IQCM: variants seen among roughly 807,000 people sequenced by gnomAD.
The protein encoded by IQCM is IQ domain-containing protein M.
In IQCM, 45 loss-of-function variants were observed where a neutral mutation model predicts 57.6. The observed-to-expected ratio is 0.78, with a 90% CI of 0.62 to 1.00. The LOEUF is 1.00. Among genes scored for constraint, IQCM ranks in the 50% least tolerant of loss-of-function variants. The pLI is 0.00. For missense variants in IQCM, 468 were observed against 511.6 expected (o/e 0.91, Z 0.82); for synonymous variants, 148 against 158.9 (o/e 0.93, Z 0.51).
At chr4:149,423,132 C>T (rs1393084350) in intron 13 of IQCM, among the ~76,000 whole-genome samples, 1 of 152,046 alleles carries the variant, frequency 6.6e-6, no homozygotes, top group Admixed American at 6.6e-5. Flanking sequence ...GTATAAAGAA[C>T]TTCCTTGAGG....
At chr4:149,440,431 T>C (rs1735825371) in intron 12 of IQCM, among the ~76,000 whole-genome samples, 1 of 152,048 alleles carries the variant, frequency 6.6e-6, no homozygotes, top group Non-Finnish European at 1.5e-5. Flanking sequence ...TTTAAATGTA[T>C]TTTGAGCTAA....
In IQCM at chr4:149,386,679, G is replaced by C. The variant is rs958119251; in HGVS notation, c.1391-34613C>G. Among the ~76,000 whole-genome samples the C allele has an allele frequency of 2.3e-4, 35 of 152,070 alleles. 1 individual carries two copies. Among genetic ancestry groups the C allele is most frequent in the African/African-American group, 7.5e-4 (31 of 41,514 alleles). On this transcript the variant is annotated intron_variant, in intron 13 of 13. Transcript: ENST00000636793. ...AAACAAGGTCCACACAGTGTGTTTG[G>C]TTATGTCTTCTAAGTCTCTTAATCT...
intron 12 of IQCM, among the ~76,000 whole-genome samples, chr4:149,476,180 G>A (rs764473917): frequency 7.9e-5 from 12 of 152,124 alleles, no homozygotes; most frequent in Non-Finnish European, 1.2e-4. Context: ...ACTTCAGATC[G>A]AAGCATGAAT....
At chr4:149,458,369 C>G (rs1191756782) in intron 12 of IQCM, among the ~76,000 whole-genome samples, 1 of 151,858 alleles carries the variant, frequency 6.6e-6, no homozygotes, top group African/African-American at 2.4e-5. Flanking sequence ...ATGATAAAAG[C>G]TCTTAAGATT....
At chr4:149,661,700 A>T (rs1760229674) in intron 7 of IQCM, among the ~76,000 whole-genome samples, 1 of 152,054 alleles carries the variant, frequency 6.6e-6, no homozygotes, top group African/African-American at 2.4e-5. Flanking sequence ...ATGTCTAGGA[A>T]TTTATATGTT....
intron 7 of IQCM, among the ~76,000 whole-genome samples, chr4:149,680,507 G>A (rs12499608): frequency 0.24 from 35,702 of 150,986 alleles, 4,872 homozygotes; most frequent in Non-Finnish European, 0.29. Context: ...AGAGACAGGT[G>A]CACAGATAAT....
intron 2 of IQCM, among the ~76,000 whole-genome samples, chr4:149,774,511 T>C (rs892591390): frequency 1.3e-5 from 2 of 151,690 alleles, no homozygotes; most frequent in Non-Finnish European, 2.9e-5. Flanking sequence ...ATTTGCATAT[T>C]AAAAGGCTAG....
At chr4:149,612,634 T>A (rs1042956610) in intron 8 of IQCM, among the ~76,000 whole-genome samples, 1 of 151,900 alleles carries the variant, frequency 6.6e-6, no homozygotes, top group Non-Finnish European at 1.5e-5. Flanking sequence ...AAAAAGCGGG[T>A]TTTTTTGGTA....
At chr4:149,642,861 G>A (rs553723398) in intron 7 of IQCM, among the ~76,000 whole-genome samples, 16 of 152,070 alleles carry the variant, frequency 1.1e-4, no homozygotes, top group East Asian at 3.9e-4. Context: ...GAGAGAAAAC[G>A]TACATTACTT....
At chr4:149,726,672 T>G (rs1274974105) in intron 5 of IQCM, among the ~76,000 whole-genome samples, 1 of 152,198 alleles carries the variant, frequency 6.6e-6, no homozygotes, top group Non-Finnish European at 1.5e-5. Context: ...CTATGAGCAC[T>G]TGAAATGTGG....
intron 7 of IQCM, among the ~76,000 whole-genome samples, chr4:149,659,585 A>G (rs1291357493): frequency 2.6e-5 from 4 of 152,018 alleles, no homozygotes; most frequent in Non-Finnish European, 5.9e-5. Context: ...AAACTATACT[A>G]CAAGGCTACA....
chr4:149,616,345 A>C (rs1022402868), intron 8 of IQCM, among the ~76,000 whole-genome samples: 1 of 152,202 alleles, frequency 6.6e-6, no homozygotes, highest in Non-Finnish European at 1.5e-5. Context: ...CAAAAGAACA[A>C]ATATTCTACG....
chr4:149,371,362 C>T (rs1449295337), intron 13 of IQCM, among the ~76,000 whole-genome samples: 4 of 152,164 alleles, frequency 2.6e-5, no homozygotes, highest in African/African-American at 9.7e-5. Context: ...AAAGATTTCT[C>T]TCCAATGTAG....
chr4:149,790,855 T>C (rs951234241), intron 2 of IQCM, among the ~76,000 whole-genome samples: 1 of 152,298 alleles, frequency 6.6e-6, no homozygotes, highest in South Asian at 2.1e-4. Flanking sequence ...CTTTTATTTA[T>C]TCTATCAGTC....
In IQCM at chr4:149,563,769, T is replaced by C; in HGVS notation, c.871A>G (p.Ile291Val). The C allele has an allele frequency of 8.1e-7, 1 of 1,232,042 alleles. No individual in the cohort carries two copies. The highest frequency in any genetic ancestry group is 1.0e-6 in the Non-Finnish European group (1 of 987,924). 76.3% of individuals were successfully genotyped at this position (1,232,042 alleles called of 1,614,324 possible). The stretch of plus-strand genomic sequence containing the variant: ...GCCTGCATGACGGTGACCATTCTAA[T>C]CAATTTTGGGGTAATCATGAATTTT... The part of the protein sequence containing the change: ...RKKFMITPKL[I>V]RMVTVMQAHV... Residue 291 changes from isoleucine to valine, a missense_variant, in exon 10 of 14, where the codon ATT becomes GTT. Ile to Val is a conservative substitution (Grantham distance 29). Coordinates refer to ENST00000636793, the MANE Select transcript of IQCM (RefSeq NM_001363507.2).
chr4:149,620,610 ACTTG>A (rs1756246327), intron 8 of IQCM, among the ~76,000 whole-genome samples: 1 of 152,218 alleles, frequency 6.6e-6, no homozygotes, highest in Non-Finnish European at 1.5e-5. Context: ...ATATATTAGG[ACTTG>A]CTTTGAGAAA....
At chr4:149,797,959 A>G (rs1462319639) in intron 2 of IQCM, among the ~76,000 whole-genome samples, 1 of 151,988 alleles carries the variant, frequency 6.6e-6, no homozygotes, top group Non-Finnish European at 1.5e-5. Flanking sequence ...ATCAGAAAAA[A>G]AAAAGACATT....
At chr4:149,481,709 T>TTTTTTTTGTTTGTTTG (rs1560896045) in intron 12 of IQCM, among the ~76,000 whole-genome samples, 8 of 133,118 alleles carry the variant, frequency 6.0e-5, no homozygotes, top group African/African-American at 1.6e-4. Flanking sequence ...TTGTTTTTTT[T>TTTTTTTTGTTTGTTTG]TTTTTTTTTT....
At chr4:149,394,248 A>C (rs907397095) in intron 13 of IQCM, among the ~76,000 whole-genome samples, 22 of 151,720 alleles carry the variant, frequency 1.5e-4, no homozygotes, top group African/African-American at 4.8e-4. Context: ...AATGTCTGAA[A>C]ATTTTTCTTT....
Sources: allele counts gnomAD v4.1 joint callset (sites outside exome capture counted in the v4.1 genomes callset), GRCh38; gene constraint gnomAD v4.1.1; transcripts MANE v1.5; gene names NCBI Gene and HGNC (gene_info 2026-07-23, HGNC 2026-07-21).